RAB27A: variants seen among roughly 807,000 people sequenced by gnomAD.
The protein encoded by RAB27A is ras-related protein Rab-27A.
Under a neutral mutation model 20.8 loss-of-function variants are expected in RAB27A, and 17 were observed. The observed-to-expected ratio is 0.82, with a 90% confidence interval of 0.56 to 1.23. The LOEUF is 1.23. Ranked by LOEUF, RAB27A falls within the 50% of genes most tolerant of loss-of-function variation. RAB27A has a pLI of 0.00. For synonymous variants in RAB27A, 85 were observed against 92.8 expected (o/e 0.92, Z 0.48); for missense variants, 277 against 266.7 (o/e 1.04, Z -0.27).
rs1008111560 is a variant in RAB27A at position 55,226,536 on chromosome 15, A to T, written c.343+2073T>A. On this transcript the variant is annotated intron_variant, in intron 5 of 6. Transcript: ENST00000336787. Reference sequence around the variant, plus strand: ...GTGTGTGTGTGTGTGTGTGTGTGTGAGTGTGTATTTGTGTGTATTAAGCTA... The same window carrying T: ...GTGTGTGTGTGTGTGTGTGTGTGTGTGTGTGTATTTGTGTGTATTAAGCTA... Among the ~76,000 whole-genome samples the T allele has an allele frequency of 1.5e-4, 21 of 144,340 alleles. 1 individual carries two copies. Among genetic ancestry groups the T allele is most frequent in the Admixed American group, 8.9e-4 (13 of 14,546 alleles). The allele number at this position is 144,340 out of a possible 152,430, so 94.7% of individuals were successfully genotyped here.
chr15:55,204,148 A>T lies in RAB27A; in HGVS notation c.*1359T>A, dbSNP rs995019640. ...GATATTTCTTCCTATATAGCCATTA[A>T]GATCTCTGGAAGTTTTGATCTACTT... On this transcript the variant is annotated 3_prime_UTR_variant, in exon 7 of 7. Transcript: ENST00000336787. The T allele has an allele frequency of 1.3e-5, 2 of 152,232 alleles. No homozygotes were observed. Among genetic ancestry groups the T allele is most frequent in the African/African-American group, 4.8e-5 (2 of 41,466 alleles). 9.4% of individuals were successfully genotyped at this position (152,232 alleles called of 1,614,324 possible). A position where few individuals can be genotyped will look rare whatever the true frequency, so the allele number is the denominator to read the frequency against.
intron 2 of RAB27A, among the ~76,000 whole-genome samples, chr15:55,254,333 T>C (rs1274601390): frequency 1.3e-5 from 2 of 152,098 alleles, no homozygotes; most frequent in South Asian, 4.1e-4. Flanking sequence ...GCATTAAAAA[T>C]AAACCAACAC....
intron 2 of RAB27A, among the ~76,000 whole-genome samples, chr15:55,250,110 G>A (rs1439518660): frequency 6.6e-6 from 1 of 151,920 alleles, no homozygotes; most frequent in Non-Finnish European, 1.5e-5. Context: ...CTAAAGGCCT[G>A]CGCAACCACG....
At chr15:55,265,175 G>C (rs1377770019) in intron 2 of RAB27A, among the ~76,000 whole-genome samples, 1 of 152,178 alleles carries the variant, frequency 6.6e-6, no homozygotes, top group South Asian at 2.1e-4. Flanking sequence ...CCAGGAGGCG[G>C]AGGTTGCAGC....
In RAB27A at chr15:55,252,861, G is replaced by A. The variant is rs144097091; in HGVS notation, c.-23+17304C>T. On this transcript the variant is annotated intron_variant, in intron 2 of 6. Coordinates refer to ENST00000336787, the MANE Select transcript of RAB27A (RefSeq NM_183235.3). The stretch of plus-strand genomic sequence containing the variant: ...AGTTTGAAAGGCTCCCTGGCCGGGC[G>A]CGGTGGCTCACACCTGTAATCCCAG... Among the ~76,000 whole-genome samples, 19 of 151,072 alleles carry A rather than the reference G, an allele frequency of 1.3e-4. No homozygotes were observed. The East Asian group carries it at 2.4e-3, about 19-fold the overall frequency.
intron 2 of RAB27A, among the ~76,000 whole-genome samples, chr15:55,240,888 T>G (rs973476686): frequency 6.6e-6 from 1 of 152,222 alleles, no homozygotes; most frequent in African/African-American, 2.4e-5. Context: ...GAAAGCTTTT[T>G]GTTAGCATCT....
intron 1 of RAB27A, among the ~76,000 whole-genome samples, chr15:55,285,164 T>C (rs1941704198): frequency 6.6e-6 from 1 of 152,164 alleles, no homozygotes; most frequent in South Asian, 2.1e-4. Context: ...AATTTAACTT[T>C]TTTTTAGTTT....
intron 2 of RAB27A, among the ~76,000 whole-genome samples, chr15:55,300,791 C>T (rs1051660289): frequency 4.6e-5 from 7 of 152,132 alleles, no homozygotes; most frequent in African/African-American, 1.4e-4. Flanking sequence ...AGGCTGATGT[C>T]AGTCTCTACA....
At chr15:55,236,568 G>T (rs1896266556) in intron 2 of RAB27A, among the ~76,000 whole-genome samples, 1 of 152,136 alleles carries the variant, frequency 6.6e-6, no homozygotes, top group African/African-American at 2.4e-5. Flanking sequence ...ATTTATATCA[G>T]CAATACCTAA....
At chr15:55,298,343 A>C (rs1299555917) in intron 2 of RAB27A, among the ~76,000 whole-genome samples, 1 of 152,184 alleles carries the variant, frequency 6.6e-6, no homozygotes, top group Non-Finnish European at 1.5e-5. Context: ...GAGAAATTTT[A>C]AAGCTGGGCG....
At chr15:55,268,574 G>A (rs897803884) in intron 2 of RAB27A, among the ~76,000 whole-genome samples, 1 of 152,120 alleles carries the variant, frequency 6.6e-6, no homozygotes, top group Non-Finnish European at 1.5e-5. Flanking sequence ...GTGTGAGAGT[G>A]GCTACAACTC....
intron 2 of RAB27A, among the ~76,000 whole-genome samples, chr15:55,310,866 T>A (rs1163598988): frequency 6.6e-6 from 1 of 152,214 alleles, no homozygotes; most frequent in East Asian, 1.9e-4. Context: ...AGAGGTATGC[T>A]TCCTCAATGC....
At chr15:55,310,113 GT>G (rs1350713951) in intron 2 of RAB27A, among the ~76,000 whole-genome samples, 1 of 152,128 alleles carries the variant, frequency 6.6e-6, no homozygotes, top group Non-Finnish European at 1.5e-5. Flanking sequence ...CCTAACAAGG[GT>G]GTGGCAATTT....
intron 6 of RAB27A, among the ~76,000 whole-genome samples, chr15:55,215,154 T>C (rs1364697764): frequency 6.6e-6 from 1 of 152,334 alleles, no homozygotes; most frequent in Middle Eastern, 3.4e-3. Context: ...GTATACTTCA[T>C]TTTAAAAATT....
chr15:55,274,794 T>TTACATATATATATATA (rs1555399452), intron 1 of RAB27A, among the ~76,000 whole-genome samples: 55 of 52,150 alleles, frequency 1.1e-3, no homozygotes, highest in Non-Finnish European at 2.0e-3. Flanking sequence ...AATAAATAAA[T>TTACATATATATATATA]TATATATATA....
At chr15:55,252,252 A>G (rs919939653) in intron 2 of RAB27A, among the ~76,000 whole-genome samples, 3 of 152,202 alleles carry the variant, frequency 2.0e-5, no homozygotes, top group African/African-American at 7.2e-5. Context: ...CATATTGGGT[A>G]CAATGTACAC....
intron 6 of RAB27A, among the ~76,000 whole-genome samples, chr15:55,209,560 A>C (rs941657320): frequency 1.3e-5 from 2 of 152,026 alleles, no homozygotes; most frequent in African/African-American, 2.4e-5. Context: ...GATTGATTGC[A>C]TATCTTAGCT....
At chr15:55,240,200 G>C (rs571766064) in intron 2 of RAB27A, among the ~76,000 whole-genome samples, 1 of 152,144 alleles carries the variant, frequency 6.6e-6, no homozygotes, top group Non-Finnish European at 1.5e-5. Context: ...ATCTAATAAC[G>C]TAAATGATTT....
chr15:55,288,041 A>G (rs1356008045), intron 1 of RAB27A, among the ~76,000 whole-genome samples: 1 of 152,216 alleles, frequency 6.6e-6, no homozygotes, highest in Admixed American at 6.5e-5. Context: ...GGATATCCAC[A>G]TGCAAAAAGT....
Sources: gnomAD v4.1 joint callset for allele counts (sites outside exome capture counted in the v4.1 genomes callset) on GRCh38, gnomAD v4.1.1 for gene constraint, MANE v1.5 for transcripts, NCBI Gene and HGNC (gene_info 2026-07-23, HGNC 2026-07-21) for gene names.